BRD4: variants seen among roughly 807,000 people sequenced by gnomAD.
BRD4 encodes bromodomain containing 4, also known as bromodomain-containing protein 4.
BRD4 carries 16 observed loss-of-function variants against 142.1 expected under a neutral mutation model. That is an observed-to-expected ratio of 0.11 (90% CI 0.08 to 0.17). The LOEUF is 0.17. BRD4 is among the 10% of genes least tolerant of loss of function. The pLI is 1.00. For synonymous variants in BRD4, 833 were observed against 707.5 expected (o/e 1.18, Z -2.82); for missense variants, 1,424 against 1,810.9 (o/e 0.79, Z 3.88).
chr19:15,256,823 G>A (rs915405352), intron 8 of BRD4, 141 bp downstream of exon 8: 3 of 712,522 alleles, frequency 4.2e-6, no homozygotes, highest in Non-Finnish European at 6.8e-6. Flanking sequence ...ACCTAGCAAA[G>A]GGGAAAAGGC....
In BRD4 at chr19:15,243,836, G is replaced by C. The variant is rs917457169; in HGVS notation, c.2582-349C>G. Among the ~76,000 whole-genome samples, 2 of 152,150 alleles carry C rather than the reference G, an allele frequency of 1.3e-5. 1 individual carries two copies. Among genetic ancestry groups the C allele is most frequent in the South Asian group, 4.1e-4 (2 of 4,828 alleles). ...CCCTGTCCCCATATCCCCCAGGTGAGTGCTGTCCAGGTTCCATGGGAGGAA... is the reference window on the plus strand; with the variant it reads ...CCCTGTCCCCATATCCCCCAGGTGACTGCTGTCCAGGTTCCATGGGAGGAA... On this transcript the variant is annotated intron_variant, in intron 13 of 19. Coordinates refer to ENST00000679869, the MANE Select transcript of BRD4 (RefSeq NM_001379291.1).
intron 1 of BRD4, among the ~76,000 whole-genome samples, chr19:15,297,727 T>C (rs540681302): frequency 1.3e-5 from 2 of 152,296 alleles, no homozygotes; most frequent in South Asian, 4.1e-4. Flanking sequence ...AGCTGTGGAC[T>C]CTAACCAGGC....
chr19:15,321,313 G>C (rs1484502381), intron 1 of BRD4, among the ~76,000 whole-genome samples: 1 of 149,604 alleles, frequency 6.7e-6, no homozygotes, highest in Admixed American at 6.7e-5. Context: ...GAAAGAGGGA[G>C]GGGACTCTGT....
intron 1 of BRD4, among the ~76,000 whole-genome samples, chr19:15,324,292 T>C (rs560238351): frequency 2.6e-5 from 4 of 152,356 alleles, no homozygotes; most frequent in Admixed American, 2.6e-4. Flanking sequence ...TCACATTCTC[T>C]TAATTTGAAG....
chr19:15,286,446 C>T (rs1337135822), intron 1 of BRD4, among the ~76,000 whole-genome samples: 1 of 152,196 alleles, frequency 6.6e-6, no homozygotes, highest in East Asian at 1.9e-4. Context: ...GGAAGTGAAA[C>T]TCCATACTTG....
At chr19:15,271,096 C>G (rs1211963133) in intron 2 of BRD4, among the ~76,000 whole-genome samples, 1 of 152,190 alleles carries the variant, frequency 6.6e-6, no homozygotes, top group Non-Finnish European at 1.5e-5. Context: ...CCATACTTGT[C>G]TGTCCCGCTG....
At chr19:15,298,620 C>CAAA (rs57719337) in intron 1 of BRD4, among the ~76,000 whole-genome samples, 7 of 66,038 alleles carry the variant, frequency 1.1e-4, no homozygotes, top group Non-Finnish European at 1.7e-4. Flanking sequence ...GACTCCAACT[C>CAAA]AAAAAAAAAA....
At chr19:15,243,600 T>C in intron 13 of BRD4, 113 bp from the exon 14 acceptor site, 1 of 1,397,320 alleles carries the variant, frequency 7.2e-7, no homozygotes, top group South Asian at 1.7e-5. Context: ...CTGGCCTCCC[T>C]CAAACTGGCA....
intron 1 of BRD4, among the ~76,000 whole-genome samples, chr19:15,287,573 A>C (rs955350231): frequency 4.6e-5 from 7 of 151,660 alleles, no homozygotes; most frequent in African/African-American, 1.7e-4. Context: ...TGTAAAACAA[A>C]CTCTGTAACC....
intron 1 of BRD4, among the ~76,000 whole-genome samples, chr19:15,308,928 T>C (rs977614965): frequency 2.0e-5 from 3 of 151,396 alleles, no homozygotes; most frequent in Admixed American, 6.6e-5. Flanking sequence ...GGCAGGAGAA[T>C]TGCTTCAACC....
At chr19:15,292,618 A>C (rs2145670139) in intron 1 of BRD4, among the ~76,000 whole-genome samples, 1 of 151,908 alleles carries the variant, frequency 6.6e-6, no homozygotes, top group Admixed American at 6.6e-5. Context: ...CTGTACTAAA[A>C]ATACAAAAAA....
At chr19:15,315,576 C>T (rs139133846) in intron 1 of BRD4, among the ~76,000 whole-genome samples, 1,979 of 152,244 alleles carry the variant, frequency 0.013, 25 homozygotes, top group Non-Finnish European at 0.02. Context: ...CTTCAAGGGC[C>T]GGGCATGGTG....
intron 1 of BRD4, among the ~76,000 whole-genome samples, chr19:15,294,999 A>G (rs914062011): frequency 2.0e-5 from 3 of 152,214 alleles, no homozygotes; most frequent in African/African-American, 4.8e-5. Flanking sequence ...ACTCAACACC[A>G]TACTACTACT....
At chr19:15,322,095 C>T (rs1046211327) in intron 1 of BRD4, among the ~76,000 whole-genome samples, 5 of 152,156 alleles carry the variant, frequency 3.3e-5, no homozygotes, top group African/African-American at 1.2e-4. Flanking sequence ...TTCAACTCCT[C>T]TGACATGACC....
At chr19:15,282,331 G>A (rs902554174) in intron 1 of BRD4, among the ~76,000 whole-genome samples, 1 of 152,218 alleles carries the variant, frequency 6.6e-6, no homozygotes, top group Admixed American at 6.5e-5. Flanking sequence ...AGAAATGCAG[G>A]ATGCAAAATT....
At position 15,237,778 on chromosome 19, in the gene BRD4, T is replaced by C. The variant is rs2047205288; in HGVS notation, c.*599A>G. The C allele has an allele frequency of 4.3e-6, 1 of 231,926 alleles. No individual in the cohort carries two copies. The highest frequency in any genetic ancestry group is 6.1e-5 in the East Asian group (1 of 16,384). 14.4% of individuals were successfully genotyped at this position (231,926 alleles called of 1,614,324 possible). Reference sequence around the variant, plus strand: ...ACACCTCCACGGCACTATTCCCTTTTGCACAAGCAAACACTTACAGAGAGC... The same window carrying C: ...ACACCTCCACGGCACTATTCCCTTTCGCACAAGCAAACACTTACAGAGAGC... On this transcript the variant is annotated 3_prime_UTR_variant, in exon 20 of 20. Transcript: ENST00000679869.
At chr19:15,262,066 T>C (rs1285810797) in intron 7 of BRD4, among the ~76,000 whole-genome samples, 1 of 152,140 alleles carries the variant, frequency 6.6e-6, no homozygotes, top group Non-Finnish European at 1.5e-5. Context: ...CAGCCCCTGA[T>C]CCACAGAGAA....
intron 1 of BRD4, chr19:15,280,377 C>A: frequency 9.8e-7 from 1 of 1,016,716 alleles, no homozygotes; most frequent in Non-Finnish European, 1.2e-6. Flanking sequence ...GCCTTCTCTG[C>A]AGAAGCAGCT....
chr19:15,251,486 A>G (rs2047346022), intron 11 of BRD4, among the ~76,000 whole-genome samples: 1 of 124,988 alleles, frequency 8.0e-6, no homozygotes, highest in Non-Finnish European at 1.6e-5. Context: ...TCAACTAGGC[A>G]CCAAAAGACC....
Sources: allele counts gnomAD v4.1 joint callset (sites outside exome capture counted in the v4.1 genomes callset), GRCh38; gene constraint gnomAD v4.1.1; transcripts MANE v1.5; gene names NCBI Gene and HGNC (gene_info 2026-07-23, HGNC 2026-07-21).